BANK1: variants seen among roughly 807,000 people sequenced by gnomAD.
BANK1 encodes B cell scaffold protein with ankyrin repeats 1, also known as B-cell scaffold protein with ankyrin repeats.
BANK1 carries 95 observed loss-of-function variants against 94.5 expected under a neutral mutation model. That is an observed-to-expected ratio of 1.00 (90% CI 0.85 to 1.19). BANK1 has a LOEUF of 1.19. BANK1 is among the 50% of genes most tolerant of loss of function. BANK1 has a pLI of 0.00. For missense variants in BANK1, 987 were observed against 932.2 expected (o/e 1.06, Z -0.77); for synonymous variants, 334 against 308.4 (o/e 1.08, Z -0.87).
chr4:101,831,999 AT>A (rs1319232364), intron 2 of BANK1, among the ~76,000 whole-genome samples: 1 of 152,150 alleles, frequency 6.6e-6, no homozygotes, highest in African/African-American at 2.4e-5. Context: ...TTCCTTTGTT[AT>A]TGTGATTTTA....
intron 7 of BANK1, among the ~76,000 whole-genome samples, chr4:101,989,807 A>C (rs187407690): frequency 8.5e-5 from 13 of 152,312 alleles, no homozygotes; most frequent in African/African-American, 2.9e-4. Context: ...TTCTAAGTGC[A>C]TTATATCAAG....
intron 7 of BANK1, among the ~76,000 whole-genome samples, chr4:101,948,382 A>G (rs1724011255): frequency 6.6e-6 from 1 of 152,110 alleles, no homozygotes; most frequent in South Asian, 2.1e-4. Flanking sequence ...CAGGAGGTTA[A>G]ATAATCATGT....
At chr4:101,922,953 A>G (rs2148902093) in intron 7 of BANK1, among the ~76,000 whole-genome samples, 1 of 151,976 alleles carries the variant, frequency 6.6e-6, no homozygotes, top group Non-Finnish European at 1.5e-5. Flanking sequence ...CATGCTATGT[A>G]AACTCCCTTA....
At chr4:101,828,387 A>T (rs1163623249) in intron 1 of BANK1, among the ~76,000 whole-genome samples, 1 of 55,446 alleles carries the variant, frequency 1.8e-5, no homozygotes, top group African/African-American at 1.9e-4. Flanking sequence ...GTGAATTTAT[A>T]TATATATATA....
intron 15 of BANK1, among the ~76,000 whole-genome samples, chr4:102,073,456 A>ATGTT (rs1175964106): frequency 1.3e-5 from 2 of 151,998 alleles, no homozygotes; most frequent in Non-Finnish European, 2.9e-5. Flanking sequence ...AATGCTTAAA[A>ATGTT]TGTTCTGCAA....
chr4:101,910,672 C>T (rs1431090712), intron 6 of BANK1, among the ~76,000 whole-genome samples: 11 of 130,104 alleles, frequency 8.5e-5, no homozygotes, highest in South Asian at 2.5e-4. Flanking sequence ...CCAGCCTGGG[C>T]GACAGAGCTA....
At chr4:102,024,382 T>C (rs1268079461) in intron 8 of BANK1, among the ~76,000 whole-genome samples, 2 of 152,124 alleles carry the variant, frequency 1.3e-5, no homozygotes, top group Admixed American at 1.3e-4. Flanking sequence ...AGAGAATATT[T>C]TTATAAAGAA....
chr4:102,055,037 T>G (rs1728180666), intron 11 of BANK1, among the ~76,000 whole-genome samples: 1 of 152,074 alleles, frequency 6.6e-6, no homozygotes, highest in Admixed American at 6.5e-5. Flanking sequence ...TTTAAAAAGA[T>G]ACATCCCCGA....
chr4:101,821,462 C>T (rs1726143932), intron 1 of BANK1, among the ~76,000 whole-genome samples: 1 of 152,138 alleles, frequency 6.6e-6, no homozygotes, highest in Non-Finnish European at 1.5e-5. Context: ...AATTAGATCC[C>T]ATTTGTCAAT....
At chr4:101,830,904 A>C (rs1726590929) in intron 2 of BANK1, among the ~76,000 whole-genome samples, 1 of 152,174 alleles carries the variant, frequency 6.6e-6, no homozygotes, top group African/African-American at 2.4e-5. Flanking sequence ...GCCACACCAG[A>C]TTAAAAGTTG....
chr4:102,072,404 G>A lies in BANK1; in HGVS notation c.2298+4G>A. On this transcript the variant is annotated splice_donor_region_variant and intron_variant, in intron 15 of 16. Coordinates refer to ENST00000322953, the MANE Select transcript of BANK1 (RefSeq NM_017935.5). ...TAATGTACACTTCAGCAATAAGGTA[G>A]GTTGTATTTATTTTGATTTCTATAA... 6.3e-7 allele frequency: 1 copy of A among 1,578,716 alleles called. No individual in the cohort carries two copies. Among genetic ancestry groups the A allele is most frequent in the Non-Finnish European group, 8.7e-7 (1 of 1,152,502 alleles).
At chr4:101,859,559 A>G (rs904262150) in intron 3 of BANK1, among the ~76,000 whole-genome samples, 12 of 152,288 alleles carry the variant, frequency 7.9e-5, no homozygotes, top group Admixed American at 6.5e-4. Flanking sequence ...GAGCAAAACA[A>G]TAGCTTCGTA....
At chr4:101,812,598 A>C (rs1725764133) in intron 1 of BANK1, among the ~76,000 whole-genome samples, 1 of 151,972 alleles carries the variant, frequency 6.6e-6, no homozygotes, top group Non-Finnish European at 1.5e-5. Flanking sequence ...TTTTGATGAT[A>C]CTATTCTATG....
At chr4:101,815,838 A>G (rs1725893688) in intron 1 of BANK1, among the ~76,000 whole-genome samples, 1 of 152,116 alleles carries the variant, frequency 6.6e-6, no homozygotes, top group African/African-American at 2.4e-5. Flanking sequence ...AATAAACTTC[A>G]CTTTTAAAAG....
intron 3 of BANK1, among the ~76,000 whole-genome samples, chr4:101,856,352 T>TGACACAGATGACA (rs1353242016): frequency 1.9e-4 from 29 of 150,056 alleles, no homozygotes; most frequent in Admixed American, 1.9e-3. Context: ...ACACAGATGA[T>TGACACAGATGACA]CAGGCAAAGA....
rs936251441 is a variant in BANK1 at position 101,995,360 on chromosome 4, G to T, written c.1207-26154G>T. ...CAGTCTATCATTAATGGGCATTTTG[G>T]TTGGTTACAAATCTTTGCTATTATA... On this transcript the variant is annotated intron_variant, in intron 7 of 16. Coordinates refer to ENST00000322953, the MANE Select transcript of BANK1 (RefSeq NM_017935.5). 2.0e-5 allele frequency among the ~76,000 whole-genome samples: 3 copies of T among 152,100 alleles called. No individual in the cohort carries two copies. The South Asian group carries it at 6.2e-4, about 32-fold the overall frequency.
rs183324382 is a variant in BANK1, at chr4:102,048,012, A to C, written c.1969+4105A>C. Among the ~76,000 whole-genome samples the C allele has an allele frequency of 1.7e-3, 259 of 152,324 alleles. 1 individual carries two copies. Among genetic ancestry groups the C allele is most frequent in the Non-Finnish European group, 2.3e-3 (157 of 68,008 alleles). ...GTCCATATCTTGTTACCTAATTTGC[A>C]TAATCAAGGTCAATTACCTCTAGAT... On this transcript the variant is annotated intron_variant, in intron 11 of 16. Transcript: ENST00000322953.
intron 2 of BANK1, among the ~76,000 whole-genome samples, chr4:101,844,886 A>G (rs1395080673): frequency 6.6e-6 from 1 of 151,558 alleles, no homozygotes. Flanking sequence ...AAGTTTTCCT[A>G]GACCTAACTG....
chr4:101,982,804 A>T (rs1463299362), intron 7 of BANK1, among the ~76,000 whole-genome samples: 1 of 151,960 alleles, frequency 6.6e-6, no homozygotes, highest in Non-Finnish European at 1.5e-5. Flanking sequence ...AGTATAATTT[A>T]AAAATGCCGC....
Sources: gnomAD v4.1 joint callset for allele counts (sites outside exome capture counted in the v4.1 genomes callset) on GRCh38, gnomAD v4.1.1 for gene constraint, MANE v1.5 for transcripts, NCBI Gene and HGNC (gene_info 2026-07-23, HGNC 2026-07-21) for gene names.